Variants in RALGAPA1 observed in about 807,000 individuals in gnomAD.
RALGAPA1 encodes Ral GTPase activating protein catalytic subunit alpha 1.
In RALGAPA1, 52 loss-of-function variants were observed where a neutral mutation model predicts 269.6. The ratio of observed to expected loss-of-function variants is 0.19; its 90% confidence interval spans 0.15 to 0.24. The LOEUF is 0.24. Among genes scored for constraint, RALGAPA1 ranks in the 10% least tolerant of loss-of-function variants. RALGAPA1 has a pLI of 1.00. For missense variants in RALGAPA1, 1,917 were observed against 3,013.9 expected (o/e 0.64, Z 8.52); for synonymous variants, 817 against 1,008.3 (o/e 0.81, Z 3.60).
chr14:35,745,908 C>T (rs962692228), intron 10 of RALGAPA1, among the ~76,000 whole-genome samples: 3 of 151,542 alleles, frequency 2.0e-5, no homozygotes, highest in South Asian at 2.1e-4. Context: ...AATATTATAG[C>T]GAGAACCCCT....
chr14:35,648,121 CAA>C (rs573874739), intron 31 of RALGAPA1, among the ~76,000 whole-genome samples: 1 of 136,842 alleles, frequency 7.3e-6, no homozygotes, highest in African/African-American at 2.7e-5. Context: ...CTGAAAAAAA[CAA>C]AAAAAAAAAC....
intron 1 of RALGAPA1, 148 bp downstream of exon 1, chr14:35,808,582 G>T: frequency 2.5e-6 from 2 of 787,338 alleles, no homozygotes; most frequent in Non-Finnish European, 4.1e-6. Context: ...TCGCTTCTCC[G>T]AATTATTCAC....
At chr14:35,798,788 G>A (rs778095771) in intron 1 of RALGAPA1, among the ~76,000 whole-genome samples, 17 of 152,002 alleles carry the variant, frequency 1.1e-4, no homozygotes, top group Non-Finnish European at 2.1e-4. Flanking sequence ...CCAGGAGTTC[G>A]AAACCAGTCT....
Position 35,700,210 on chromosome 14 carries a change from G to A in RALGAPA1, c.2359C>T (p.Pro787Ser), listed in dbSNP as rs1595199378. ...GTGAGAACAATATCAGGCAAGAAGGGTTTGGAAGTATGGATCAGAACAGGA... is the reference window on the plus strand; with the variant it reads ...GTGAGAACAATATCAGGCAAGAAGGATTTGGAAGTATGGATCAGAACAGGA... ...SAPVLIHTSK[P>S]FLPDIVLTPL... is the part of the protein sequence containing the mutation. Residue 787 changes from proline (P) to serine (S), a missense_variant, in exon 17 of 42, where the codon CCC becomes TCC. This residue lies in a region of RALGAPA1 where 125 missense variants were observed against 155.7 expected (regional missense o/e 0.80). Coordinates refer to ENST00000680220, the MANE Select transcript of RALGAPA1 (RefSeq NM_001346249.2). 1 of 1,535,848 alleles carries A rather than the reference G, an allele frequency of 6.5e-7. No homozygotes were observed. Among genetic ancestry groups the A allele is most frequent in the Non-Finnish European group, 8.7e-7 (1 of 1,146,794 alleles).
intron 37 of RALGAPA1, among the ~76,000 whole-genome samples, chr14:35,575,751 C>A (rs748520544): frequency 3.9e-5 from 6 of 152,054 alleles, no homozygotes; most frequent in Admixed American, 3.9e-4. Context: ...CCCACCCCCA[C>A]GCCCAGCTAA....
intron 27 of RALGAPA1, among the ~76,000 whole-genome samples, chr14:35,661,687 GT>G (rs1048651655): frequency 1.2e-4 from 18 of 152,226 alleles, no homozygotes; most frequent in African/African-American, 4.1e-4. Context: ...TACAACGTAA[GT>G]TCCTTAAGTC....
intron 5 of RALGAPA1, 119 bp from the exon 6 acceptor site, chr14:35,761,125 G>T: frequency 1.6e-6 from 1 of 630,440 alleles, no homozygotes; most frequent in Non-Finnish European, 2.6e-6. Flanking sequence ...GCAGGGTAGG[G>T]AAGGAAGGGG....
At chr14:35,708,582 CAA>C in intron 16 of RALGAPA1, among the ~76,000 whole-genome samples, 1 of 152,046 alleles carries the variant, frequency 6.6e-6, no homozygotes, top group East Asian at 1.9e-4. Context: ...GGCTTTTATC[CAA>C]AAGACAGGCA....
intron 36 of RALGAPA1, 50 bp from the exon 37 acceptor site, chr14:35,595,839 A>T (rs2058900626): frequency 1.4e-6 from 2 of 1,469,282 alleles, no homozygotes. Flanking sequence ...ACCCAAATAC[A>T]CTACAGAGAA....
Position 35,664,773 on chromosome 14 carries a change from T to C in RALGAPA1, c.5203-6A>G, listed in dbSNP as rs1399357586. The stretch of plus-strand genomic sequence containing the variant: ...TGTGCTTCTACTCTTGGTGCCTATG[T>C]ATCACATTTTTAAAAAGTTTAAAAA... On this transcript the variant is annotated splice_polypyrimidine_tract_variant and splice_region_variant and intron_variant, in intron 26 of 41. Transcript: ENST00000680220. 1.2e-6 allele frequency: 2 copies of C among 1,600,360 alleles called. No individual in the cohort carries two copies. The highest frequency in any genetic ancestry group is 1.4e-5 in the African/African-American group (1 of 73,946).
chr14:35,662,067 C>G (rs780788341), intron 27 of RALGAPA1, among the ~76,000 whole-genome samples: 19 of 152,166 alleles, frequency 1.2e-4, no homozygotes, highest in Non-Finnish European at 2.2e-4. Context: ...TGTGACTATA[C>G]TAAACATTAT....
chr14:35,621,344 C>T (rs1342826300), intron 35 of RALGAPA1, among the ~76,000 whole-genome samples: 4 of 152,100 alleles, frequency 2.6e-5, no homozygotes, highest in South Asian at 2.1e-4. Context: ...CTTCCTTACA[C>T]CTTATACAAA....
chr14:35,790,883 G>C (rs144180421), intron 1 of RALGAPA1, among the ~76,000 whole-genome samples: 2 of 152,092 alleles, frequency 1.3e-5, no homozygotes, highest in African/African-American at 4.8e-5. Flanking sequence ...GAATAGTAGC[G>C]TAGTTATTTA....
intron 17 of RALGAPA1, among the ~76,000 whole-genome samples, chr14:35,692,920 A>G (rs1024237971): frequency 2.0e-5 from 3 of 152,008 alleles, no homozygotes; most frequent in African/African-American, 7.2e-5. Flanking sequence ...CATGCCAGGT[A>G]TTGTTGTAAG....
At chr14:35,672,209 ATAT>A (rs1191391972) in intron 25 of RALGAPA1, among the ~76,000 whole-genome samples, 2 of 152,174 alleles carry the variant, frequency 1.3e-5, no homozygotes, top group Non-Finnish European at 2.9e-5. Flanking sequence ...TTTCAGAAAG[ATAT>A]TATCTTTTAA....
intron 1 of RALGAPA1, among the ~76,000 whole-genome samples, chr14:35,776,983 T>A (rs2075083985): frequency 6.6e-6 from 1 of 152,088 alleles, no homozygotes; most frequent in Non-Finnish European, 1.5e-5. Context: ...AGTTTCTGGG[T>A]CCCTCTTGGA....
At chr14:35,686,748 C>T (rs983171345) in intron 18 of RALGAPA1, 82 bp from the exon 19 acceptor site, 51 of 679,486 alleles carry the variant, frequency 7.5e-5, no homozygotes, top group Admixed American at 1.1e-4. Context: ...CAACCCAAAA[C>T]AAAGTACCTT....
chr14:35,676,989 A>G (rs1430414392), intron 22 of RALGAPA1: 1 of 152,256 alleles, frequency 6.6e-6, no homozygotes, highest in Non-Finnish European at 1.5e-5. Context: ...AAAGGTCAGA[A>G]ATAATCCACA....
rs536025194 is a variant in RALGAPA1 at position 35,550,446 on chromosome 14, T to A, written c.7497-1212A>T. On this transcript the variant is annotated intron_variant, in intron 39 of 41. Transcript: ENST00000680220. ...TTTTCCCTCAAAATTCCTTATTTTT[T>A]AAAAAAATGCAATTTAATTATTATA... Among the ~76,000 whole-genome samples the A allele has an allele frequency of 2.2e-3, 328 of 152,226 alleles. 4 individuals are homozygous for A. The highest frequency in any genetic ancestry group is 7.5e-3 in the African/African-American group (313 of 41,558).
Sources: allele counts gnomAD v4.1 joint callset (sites outside exome capture counted in the v4.1 genomes callset), GRCh38; gene constraint gnomAD v4.1.1; regional missense constraint gnomAD v4.1.1; transcripts MANE v1.5; gene names NCBI Gene and HGNC (gene_info 2026-07-23, HGNC 2026-07-21).